C12orf42: variants seen among roughly 807,000 people sequenced by gnomAD.
C12orf42 encodes the protein uncharacterized protein C12orf42.
A neutral mutation model predicts 21.6 loss-of-function variants in C12orf42; 25 were observed. The ratio of observed to expected loss-of-function variants is 1.16; its 90% confidence interval spans 0.84 to 1.62. The LOEUF (loss-of-function observed/expected upper bound fraction) is 1.62. Among genes scored for constraint, C12orf42 ranks in the 40% most tolerant of loss-of-function variants. C12orf42 has a pLI of 0.00. For synonymous variants in C12orf42, 174 were observed against 175.0 expected, an observed-to-expected ratio of 0.99 and a Z score of 0.05; for missense variants, 483 against 459.3, an observed-to-expected ratio of 1.05 and a Z score of -0.47.
chr12:103,479,918 C>A (rs1022676242), intron 1 of C12orf42, among the ~76,000 whole-genome samples: 23 of 151,852 alleles, frequency 1.5e-4, no homozygotes, highest in African/African-American at 4.6e-4. Context: ...TTTATAATGT[C>A]CTTACCTTAT....
At chr12:103,507,192 T>TAAATATATA in the C12orf42 span, among the ~76,000 whole-genome samples, 9 of 36,400 alleles carry the variant, frequency 2.5e-4, no homozygotes, top group African/African-American at 1.2e-3. Context: ...ATATAATATA[T>TAAATATATA]ATATATTTAT....
At chr12:103,103,089 A>G in the C12orf42 span, among the ~76,000 whole-genome samples, 2 of 152,164 alleles carry the variant, frequency 1.3e-5, no homozygotes, top group Non-Finnish European at 1.5e-5. Flanking sequence ...CTTAGACATA[A>G]TCTAACTAAG....
chr12:103,378,166 C>A lies in C12orf42; in HGVS notation c.148-9168G>T, dbSNP rs182184771. On this transcript the variant is annotated intron_variant, in intron 3 of 5. Coordinates refer to ENST00000548883, the MANE Select transcript of C12orf42 (RefSeq NM_198521.5). ...ATTTATATTTCTGCCCACATGCAAC[C>A]TATTTGCAGCATACCATTCAGAGGC... Among the ~76,000 whole-genome samples, 495 of 152,268 alleles carry A rather than the reference C, an allele frequency of 3.3e-3. 3 individuals are homozygous for A. The highest frequency in any genetic ancestry group is 0.011 in the African/African-American group (468 of 41,562).
At chr12:103,520,279 G>T in the C12orf42 span, among the ~76,000 whole-genome samples, 3 of 152,146 alleles carry the variant, frequency 2.0e-5, no homozygotes, top group Non-Finnish European at 2.9e-5. Context: ...GACCCCAGGG[G>T]CAGAGTGTTG....
the C12orf42 span, among the ~76,000 whole-genome samples, chr12:103,176,082 G>A: frequency 9.9e-5 from 15 of 151,690 alleles, 1 homozygote; most frequent in South Asian, 1.3e-3. Flanking sequence ...GCTTCTTCCC[G>A]CCATGCCATA....
At chr12:103,333,964 C>T (rs977082848) in intron 4 of C12orf42, among the ~76,000 whole-genome samples, 16 of 152,174 alleles carry the variant, frequency 1.1e-4, no homozygotes, top group African/African-American at 3.4e-4. Flanking sequence ...GACTTCAGTG[C>T]CCTAACTTCA....
chr12:103,147,156 A>G, the C12orf42 span, among the ~76,000 whole-genome samples: 2 of 152,252 alleles, frequency 1.3e-5, no homozygotes, highest in Non-Finnish European at 2.9e-5. Flanking sequence ...AAGCCTTTAT[A>G]GTAGCTTTTA....
At chr12:103,379,025 C>T (rs1225756772) in intron 3 of C12orf42, among the ~76,000 whole-genome samples, 1 of 152,032 alleles carries the variant, frequency 6.6e-6, no homozygotes, top group Non-Finnish European at 1.5e-5. Context: ...CACATAGACA[C>T]TTAGGTCTCC....
chr12:103,080,292 T>C, the C12orf42 span, among the ~76,000 whole-genome samples: 1 of 152,168 alleles, frequency 6.6e-6, no homozygotes, highest in Non-Finnish European at 1.5e-5. Flanking sequence ...ATTCAGGACA[T>C]AGTTATGGCT....
At chr12:103,099,554 T>C in the C12orf42 span, among the ~76,000 whole-genome samples, 3 of 152,204 alleles carry the variant, frequency 2.0e-5, no homozygotes, top group Non-Finnish European at 4.4e-5. Context: ...ATTGCCTACT[T>C]TGTCAAATAC....
intron 2 of C12orf42, among the ~76,000 whole-genome samples, chr12:103,406,844 GA>G (rs368138641): frequency 6.0e-5 from 9 of 148,954 alleles, no homozygotes; most frequent in Middle Eastern, 3.5e-3. Context: ...AGAGCAAAAA[GA>G]AAAAAAAAAT....
the C12orf42 span, among the ~76,000 whole-genome samples, chr12:103,112,439 C>T: frequency 1.3e-5 from 2 of 152,138 alleles, no homozygotes; most frequent in African/African-American, 4.8e-5. Context: ...GCAGGCGGAT[C>T]ACCTGAGGTC....
chr12:103,299,734 T>C (rs2037529395), downstream of C12orf42, among the ~76,000 whole-genome samples: 6 of 152,348 alleles, frequency 3.9e-5, no homozygotes, highest in South Asian at 1.2e-3. Context: ...TTTAGCACTG[T>C]TTTCAGAACA....
At chr12:103,507,113 ATATATT>A in the C12orf42 span, among the ~76,000 whole-genome samples, 154 of 15,782 alleles carry the variant, frequency 9.8e-3, 11 homozygotes, top group African/African-American at 0.056. Flanking sequence ...TAATATAAAT[ATATATT>A]TATATATAAT....
chr12:103,360,084 C>G (rs2043951374), intron 4 of C12orf42, among the ~76,000 whole-genome samples: 1 of 150,090 alleles, frequency 6.7e-6, no homozygotes. Flanking sequence ...CTTGCCCCTT[C>G]AACCACTGTC....
chr12:103,315,776 C>A (rs919066212), intron 4 of C12orf42, among the ~76,000 whole-genome samples: 2 of 152,168 alleles, frequency 1.3e-5, no homozygotes, highest in South Asian at 2.1e-4. Flanking sequence ...ATAACAATTA[C>A]AGTGAGAGAT....
At chr12:103,082,192 G>A in the C12orf42 span, among the ~76,000 whole-genome samples, 1,619 of 152,284 alleles carry the variant, frequency 0.011, 12 homozygotes, top group South Asian at 0.019. Context: ...GTGTTTAAAG[G>A]ATTTGTTCAA....
chr12:103,092,278 T>A, the C12orf42 span, among the ~76,000 whole-genome samples: 7 of 152,208 alleles, frequency 4.6e-5, no homozygotes, highest in Non-Finnish European at 7.3e-5. Flanking sequence ...CCGGGGGATA[T>A]GCTTTGAAGA....
chr12:103,433,114 C>T (rs925898529), intron 2 of C12orf42, among the ~76,000 whole-genome samples: 2 of 152,184 alleles, frequency 1.3e-5, no homozygotes, highest in African/African-American at 2.4e-5. Flanking sequence ...AGCTTCCCAA[C>T]AGTAGGATAT....
Sources: gnomAD v4.1 joint callset for allele counts (sites outside exome capture counted in the v4.1 genomes callset) on GRCh38, gnomAD v4.1.1 for gene constraint, MANE v1.5 for transcripts, NCBI Gene and HGNC (gene_info 2026-07-23, HGNC 2026-07-21) for gene names.